EIF4G2: variants seen among roughly 807,000 people sequenced by gnomAD.
The protein encoded by EIF4G2 is DAP-5.
Under a neutral mutation model 117.7 loss-of-function variants are expected in EIF4G2, and 8 were observed. The ratio of observed to expected loss-of-function variants is 0.07; its 90% confidence interval spans 0.04 to 0.12. The LOEUF (loss-of-function observed/expected upper bound fraction) is 0.12. Ranked by LOEUF, EIF4G2 falls within the 10% of genes least tolerant of loss-of-function variation. The pLI is 1.00. For missense variants in EIF4G2, 812 were observed against 1,086.2 expected (o/e 0.75, Z 3.55); for synonymous variants, 413 against 367.8 (o/e 1.12, Z -1.41).
rs753222754 is a variant in EIF4G2, at chr11:10,801,739, T to A, written c.1335A>T (p.Gly445=). The A allele has an allele frequency of 1.4e-5, 22 of 1,613,908 alleles. 1 individual carries two copies. In the South Asian group the frequency reaches 2.4e-4, roughly 18 times the overall value. Residue 445 remains glycine, a synonymous_variant, in exon 14 of 22, where the codon GGA becomes GGT. Coordinates refer to ENST00000339995, the MANE Select transcript of EIF4G2 (RefSeq NM_001418.4). Reference sequence around the variant, plus strand: ...ACTGTCCTTGCAGCTGGGATAAGAGTCCCTGACTCTGGTTATGGTAGAGCT... The same window carrying A: ...ACTGTCCTTGCAGCTGGGATAAGAGACCCTGACTCTGGTTATGGTAGAGCT...
At chr11:10,804,113 CTTA>C (rs1431132130) in intron 7 of EIF4G2, 21 bp downstream of exon 7, 4 of 1,613,764 alleles carry the variant, frequency 2.5e-6, no homozygotes, top group Non-Finnish European at 3.4e-6. Flanking sequence ...TACAGTAGTA[CTTA>C]TTATCAGCTA....
Position 10,797,678 on chromosome 11 carries a change from G to A in EIF4G2, c.*138C>T, listed in dbSNP as rs1847295215. The A allele has an allele frequency of 2.2e-6, 2 of 889,264 alleles. No homozygotes were observed. Among genetic ancestry groups the A allele is most frequent in the East Asian group, 2.4e-5 (1 of 41,214 alleles). The allele number at this position is 889,264 out of a possible 1,614,324, so 55.1% of individuals were successfully genotyped here. Reference sequence around the variant, plus strand: ...ACTACAAAAAAACCTTATGCAGAAGGAAATCCTAACTGACGTGCTTCTGCT... The same window carrying A: ...ACTACAAAAAAACCTTATGCAGAAGAAAATCCTAACTGACGTGCTTCTGCT... On this transcript the variant is annotated 3_prime_UTR_variant, in exon 22 of 22. Transcript: ENST00000339995. This position sits in a 1 kb window ranked among gnomAD's most constrained non-coding sequence, Gnocchi z 4.5.
intron 5 of EIF4G2, 193 bp from the exon 6 acceptor site, chr11:10,804,611 T>C (rs1006225190): frequency 2.8e-6 from 2 of 702,068 alleles, no homozygotes; most frequent in Non-Finnish European, 4.5e-6. Context: ...CAAGTCTACA[T>C]AAACTGTCAT....
At position 10,800,073 on chromosome 11, in the gene EIF4G2, A is replaced by T; in HGVS notation, c.2119+17T>A. On this transcript the variant is annotated intron_variant, in intron 18 of 21. Coordinates refer to ENST00000339995, the MANE Select transcript of EIF4G2 (RefSeq NM_001418.4). The stretch of plus-strand genomic sequence containing the variant: ...TAATATTAAAAAAACAAAACAAACA[A>T]GTCAGCATTCTCTTACCTGGGAGCA... The T allele has an allele frequency of 6.2e-7, 1 of 1,608,324 alleles. No homozygotes were observed. Among genetic ancestry groups the T allele is most frequent in the Non-Finnish European group, 8.5e-7 (1 of 1,177,798 alleles).
In EIF4G2 at chr11:10,799,492, T is replaced by TC. The variant is rs758144596; in HGVS notation, c.2324+59dup. ...CTTGCTCAAGAGACAACTCTTAGTC[T>TC]CCTACGCTTCTTTTCCAGTACATGA... is the stretch of plus-strand genomic sequence containing the variant. On this transcript the variant is annotated intron_variant, in intron 19 of 21. Coordinates refer to ENST00000339995, the MANE Select transcript of EIF4G2 (RefSeq NM_001418.4). The TC allele has an allele frequency of 1.4e-3, 2,185 of 1,609,234 alleles. 4 individuals are homozygous for TC. Among genetic ancestry groups the TC allele is most frequent in the Non-Finnish European group, 1.5e-3 (1,720 of 1,177,004 alleles).
chr11:10,801,267 A>T, intron 14 of EIF4G2, 180 bp from the exon 15 acceptor site: 2 of 711,794 alleles, frequency 2.8e-6, no homozygotes, highest in South Asian at 1.9e-5. Flanking sequence ...TAAAGATCTG[A>T]TGCATACAGT....
chr11:10,803,350 C>T lies in EIF4G2; in HGVS notation c.814-56G>A. On this transcript the variant is annotated intron_variant, in intron 9 of 21. Transcript: ENST00000339995. This position sits in a 1 kb window ranked among gnomAD's most constrained non-coding sequence, Gnocchi z 4.0. ...AGCTAAAGCAAATGTGTTCAATTTA[C>T]AGCTTTAAGACTTCTAAAATTATAA... 4.4e-6 allele frequency: 7 copies of T among 1,592,436 alleles called. No homozygotes were observed. In the South Asian group the frequency reaches 6.7e-5, roughly 15 times the overall value.
chr11:10,802,548 AT>A, intron 11 of EIF4G2, 113 bp from the exon 12 acceptor site: 1 of 1,349,622 alleles, frequency 7.4e-7, no homozygotes, highest in South Asian at 1.6e-5. Context: ...AATTTATGTT[AT>A]TTCTGTAAAT....
Position 10,799,407 on chromosome 11 carries a change from G to A in EIF4G2, c.2342C>T (p.Ser781Phe), listed in dbSNP as rs766825276. ...ATCGCTGGGGGGGTTTACTTCACTA[G>A]AAATGTACTGTAAGAAGCTGGACAG... The change falls in exon 20 of 22, where the codon TCT (serine) becomes TTT (phenylalanine). Residue 781 changes from serine to phenylalanine, a missense_variant. This residue lies in a region of EIF4G2 where 571 missense variants were observed against 642.3 expected (regional missense o/e 0.89). Coordinates refer to ENST00000339995, the MANE Select transcript of EIF4G2 (RefSeq NM_001418.4). 1 of 1,611,458 alleles carries A rather than the reference G, an allele frequency of 6.2e-7. No homozygotes were observed. Among genetic ancestry groups the A allele is most frequent in the South Asian group, 1.1e-5 (1 of 91,084 alleles).
chr11:10,799,357 A>T lies in EIF4G2; in HGVS notation c.2392T>A (p.Ser798Thr). The change falls in exon 20 of 22, where the codon TCC (serine) becomes ACC (threonine). Residue 798 changes from serine (S) to threonine (T), a missense_variant. Transcript: ENST00000339995. ...TTTTCCTGCTCTAACTGTTCTTTGGAAGGAGCAGAGGATGAATCTGTTTCA... is the reference window on the plus strand; with the variant it reads ...TTTTCCTGCTCTAACTGTTCTTTGGTAGGAGCAGAGGATGAATCTGTTTCA... 6.2e-7 allele frequency: 1 copy of T among 1,613,464 alleles called. No individual in the cohort carries two copies.
intron 11 of EIF4G2, 106 bp from the exon 12 acceptor site, chr11:10,802,541 TTA>T (rs1241312983): frequency 5.1e-6 from 7 of 1,376,576 alleles, no homozygotes; most frequent in South Asian, 3.1e-5. Flanking sequence ...AAACCATAAT[TTA>T]TGTTATTTCT....
rs775942333 is a variant in EIF4G2 at position 10,807,376 on chromosome 11, A to T, written c.-81T>A. On this transcript the variant is annotated 5_prime_UTR_variant, in exon 2 of 22. Transcript: ENST00000339995. ...GGGAGGGGAGGGGACAGGAGAAATG[A>T]AATACCTGGAACGAGAAAGAGCACC... 3.8e-6 allele frequency: 6 copies of T among 1,599,312 alleles called. No individual in the cohort carries two copies. The South Asian group carries it at 6.7e-5, about 18-fold the overall frequency.
Position 10,800,778 on chromosome 11 carries a change from T to C in EIF4G2, c.1597A>G (p.Thr533Ala), listed in dbSNP as rs199603947. The change falls in exon 16 of 22, where the codon ACC becomes GCC. Residue 533 changes from threonine to alanine, a missense_variant. This residue lies in a region of EIF4G2 where 571 missense variants were observed against 642.3 expected (regional missense o/e 0.89). Coordinates refer to ENST00000339995, the MANE Select transcript of EIF4G2 (RefSeq NM_001418.4). ...TTTGACGGTGGTGGCTTTTTGCTGG[T>C]CTTGGCAGGCTTTTCCTGGATAAGC... 31 of 1,614,214 alleles carry C rather than the reference T, an allele frequency of 1.9e-5. 1 individual carries two copies. In the Middle Eastern group the frequency reaches 1.2e-3, roughly 60 times the overall value.
rs757675177 is a variant in EIF4G2, at chr11:10,799,178, TC to T, written c.2536+34del. 3.1e-6 allele frequency: 5 copies of T among 1,611,998 alleles called. No homozygotes were observed. The African/African-American group carries it at 5.3e-5, about 17-fold the overall frequency. On this transcript the variant is annotated intron_variant, in intron 20 of 21. Transcript: ENST00000339995. Reference sequence around the variant, plus strand: ...TTATTTAGTGTTCTGTTTAAGAACTTCCTCACGCCGTTCTTCTGATACAAGT... The same window carrying T: ...TTATTTAGTGTTCTGTTTAAGAACTTCTCACGCCGTTCTTCTGATACAAGT...
Position 10,799,593 on chromosome 11 carries a change from T to C in EIF4G2, c.2283A>G (p.Lys761=), listed in dbSNP as rs1195001996. 6.2e-7 allele frequency: 1 copy of C among 1,613,992 alleles called. No homozygotes were observed. The highest frequency in any genetic ancestry group is 2.2e-5 in the East Asian group (1 of 44,886). ...TCACAAATCCTTTATCTACATGAAGTTTGGGAGAGATGTTATCTTTAATCC... is the reference window on the plus strand; with the variant it reads ...TCACAAATCCTTTATCTACATGAAGCTTGGGAGAGATGTTATCTTTAATCC... The change falls in exon 19 of 22, where the codon AAA becomes AAG. Residue 761 remains lysine (K), a synonymous_variant. Transcript: ENST00000339995.
Position 10,799,304 on chromosome 11 carries a change from T to C in EIF4G2, c.2445A>G (p.Val815=), listed in dbSNP as rs1847351874. 1 of 1,614,138 alleles carries C rather than the reference T, an allele frequency of 6.2e-7. No individual in the cohort carries two copies. Among genetic ancestry groups the C allele is most frequent in the African/African-American group, 1.3e-5 (1 of 75,054 alleles). ...CGTGATCATGAAGAAATTTCTGCAT[T>C]ACTGGCTTGAAAGATAGTAGTAGTT... Residue 815 remains valine (V), a synonymous_variant, in exon 20 of 22, where the codon GTA becomes GTG. Transcript: ENST00000339995.
rs541508410 is a variant in EIF4G2 at position 10,808,093 on chromosome 11, A to G, written c.-87+612T>C. On this transcript the variant is annotated intron_variant, in intron 1 of 21. Coordinates refer to ENST00000339995, the MANE Select transcript of EIF4G2 (RefSeq NM_001418.4). ...CCGGCGCCCAGCTCTTTGTTCTCCAAGCAGGAAGGCGGCCTCCTGCCCACC... is the reference window on the plus strand; with the variant it reads ...CCGGCGCCCAGCTCTTTGTTCTCCAGGCAGGAAGGCGGCCTCCTGCCCACC... The G allele has an allele frequency of 1.6e-4, 170 of 1,058,920 alleles. No homozygotes were observed. The African/African-American group carries it at 2.8e-3, about 18-fold the overall frequency. The allele number at this position is 1,058,920 out of a possible 1,614,324, so 65.6% of individuals were successfully genotyped here.
In EIF4G2 at chr11:10,799,421, G is replaced by A; in HGVS notation, c.2328C>T (p.Phe776=). The A allele has an allele frequency of 1.2e-6, 2 of 1,611,420 alleles. No homozygotes were observed. The highest frequency in any genetic ancestry group is 1.7e-6 in the Non-Finnish European group (2 of 1,179,912). ...TTACTTCACTAGAAATGTACTGTAA[G>A]AAGCTGGACAGAAAGAGGTCTTGTT... Residue 776 remains phenylalanine (F), a synonymous_variant, in exon 20 of 22, where the codon TTC becomes TTT. Transcript: ENST00000339995.
chr11:10,800,382 C>T lies in EIF4G2; in HGVS notation c.1861-34G>A, dbSNP rs192353523. The T allele has an allele frequency of 6.1e-5, 98 of 1,612,350 alleles. No homozygotes were observed. In the African/African-American group the frequency reaches 1.1e-3, roughly 19 times the overall value. ...AAATATACAACAGTTTATCAGTTTT[C>T]GAATTTGAGTGGTAAGAGTTCTTAC... On this transcript the variant is annotated intron_variant, in intron 17 of 21. Transcript: ENST00000339995.
Sources: allele counts gnomAD v4.1 joint callset, GRCh38; gene constraint gnomAD v4.1.1; regional missense constraint gnomAD v4.1.1; non-coding constraint Gnocchi (gnomAD v3.1); transcripts MANE v1.5; gene names NCBI Gene and HGNC (gene_info 2026-07-23, HGNC 2026-07-21).